Variants in PPARGC1A observed in about 807,000 individuals in gnomAD.
PPARGC1A encodes the protein PPARG coactivator 1 alpha.
PPARGC1A carries 25 observed loss-of-function variants against 88.7 expected under a neutral mutation model. The ratio of observed to expected loss-of-function variants is 0.28; its 90% confidence interval spans 0.21 to 0.39. The LOEUF (loss-of-function observed/expected upper bound fraction) is 0.39. Ranked by LOEUF, PPARGC1A falls within the 10% of genes least tolerant of loss-of-function variation. PPARGC1A has a pLI of 1.00. For missense variants in PPARGC1A, 880 were observed against 968.7 expected, an observed-to-expected ratio of 0.91 and a Z score of 1.22; for synonymous variants, 363 against 355.6, an observed-to-expected ratio of 1.02 and a Z score of -0.24.
intron 2 of PPARGC1A, among the ~76,000 whole-genome samples, chr4:23,849,916 G>A (rs546003811): frequency 2.0e-5 from 3 of 151,072 alleles, no homozygotes; most frequent in African/African-American, 2.4e-5. Flanking sequence ...CTCGCTGCAC[G>A]GTACAGTCAT....
At chr4:24,249,725 G>A in the PPARGC1A span, among the ~76,000 whole-genome samples, 1 of 152,264 alleles carries the variant, frequency 6.6e-6, no homozygotes, top group South Asian at 2.1e-4. Flanking sequence ...GAGTCTGAAC[G>A]TGGGGATATC....
At chr4:23,964,239 C>T in the PPARGC1A span, among the ~76,000 whole-genome samples, 836 of 152,232 alleles carry the variant, frequency 5.5e-3, 40 homozygotes, top group East Asian at 0.089. Context: ...AATTAAGGCA[C>T]AGAGAGAATT....
chr4:23,905,222 C>T (rs1719896373), upstream of PPARGC1A, among the ~76,000 whole-genome samples: 1 of 152,344 alleles, frequency 6.6e-6, no homozygotes, highest in East Asian at 1.9e-4. Flanking sequence ...TATGATCACA[C>T]TTTCAACTCT....
chr4:24,375,889 G>A, the PPARGC1A span, among the ~76,000 whole-genome samples: 3 of 152,086 alleles, frequency 2.0e-5, no homozygotes, highest in Non-Finnish European at 4.4e-5. Context: ...GGACAAACAG[G>A]GGGTCCAAGG....
chr4:24,422,062 A>ATT, the PPARGC1A span, among the ~76,000 whole-genome samples: 1 of 152,336 alleles, frequency 6.6e-6, no homozygotes, highest in Non-Finnish European at 1.5e-5. Context: ...CAATTACCTA[A>ATT]AGCAGGGGTC....
the PPARGC1A span, among the ~76,000 whole-genome samples, chr4:23,983,040 T>C: frequency 6.6e-6 from 1 of 152,070 alleles, no homozygotes; most frequent in African/African-American, 2.4e-5. Flanking sequence ...ACAGAAGCAA[T>C]GTGGCCTGCA....
the PPARGC1A span, among the ~76,000 whole-genome samples, chr4:24,454,651 T>G: frequency 1.3e-5 from 2 of 151,710 alleles, no homozygotes; most frequent in Non-Finnish European, 1.5e-5. Context: ...GGTGAGAGGA[T>G]CACTTGAACC....
At chr4:24,319,044 A>C in the PPARGC1A span, among the ~76,000 whole-genome samples, 20 of 152,286 alleles carry the variant, frequency 1.3e-4, no homozygotes, top group Middle Eastern at 6.8e-3. Context: ...AAACAAGAAG[A>C]GATAAAAAAT....
At chr4:24,102,601 T>C in the PPARGC1A span, among the ~76,000 whole-genome samples, 1 of 152,246 alleles carries the variant, frequency 6.6e-6, no homozygotes, top group Non-Finnish European at 1.5e-5. Flanking sequence ...CATCTTCTTT[T>C]AGAAGGCTTA....
the PPARGC1A span, among the ~76,000 whole-genome samples, chr4:23,953,473 G>A: frequency 8.5e-5 from 13 of 152,086 alleles, no homozygotes; most frequent in African/African-American, 2.4e-4. Flanking sequence ...AACCATACAG[G>A]ATGCAGTCTG....
the PPARGC1A span, among the ~76,000 whole-genome samples, chr4:24,262,313 C>T: frequency 2.0e-5 from 3 of 152,140 alleles, no homozygotes; most frequent in South Asian, 2.1e-4. Flanking sequence ...CTGGAGGTTC[C>T]GCAGAAGTGA....
chr4:24,335,179 A>G, the PPARGC1A span, among the ~76,000 whole-genome samples: 10 of 152,222 alleles, frequency 6.6e-5, no homozygotes, highest in Non-Finnish European at 1.2e-4. Flanking sequence ...CAGTCAATAC[A>G]TGGAACAGAG....
chr4:24,072,652 C>G, the PPARGC1A span, among the ~76,000 whole-genome samples: 1 of 152,070 alleles, frequency 6.6e-6, no homozygotes, highest in African/African-American at 2.4e-5. Context: ...CTCAAAAAAT[C>G]ATTTAAAACA....
the PPARGC1A span, among the ~76,000 whole-genome samples, chr4:24,405,278 A>G: frequency 6.6e-6 from 1 of 152,132 alleles, no homozygotes; most frequent in Admixed American, 6.5e-5. Flanking sequence ...TTGTATGAAA[A>G]GGTGGTTTTT....
chr4:24,104,252 T>C, the PPARGC1A span, among the ~76,000 whole-genome samples: 1 of 152,198 alleles, frequency 6.6e-6, no homozygotes, highest in Non-Finnish European at 1.5e-5. Flanking sequence ...TATAGGGGTT[T>C]ATCACATACT....
At chr4:24,373,799 A>C in the PPARGC1A span, among the ~76,000 whole-genome samples, 1 of 152,230 alleles carries the variant, frequency 6.6e-6, no homozygotes, top group Non-Finnish European at 1.5e-5. Flanking sequence ...GCAAATAGCA[A>C]GTAATCTGCT....
chr4:24,304,572 T>TA, the PPARGC1A span, among the ~76,000 whole-genome samples: 1 of 152,204 alleles, frequency 6.6e-6, no homozygotes, highest in Non-Finnish European at 1.5e-5. Context: ...CCAGGTGGTC[T>TA]GGCTCCAGAG....
At chr4:24,454,286 TG>T in the PPARGC1A span, among the ~76,000 whole-genome samples, 1 of 151,196 alleles carries the variant, frequency 6.6e-6, no homozygotes, top group Non-Finnish European at 1.5e-5. Flanking sequence ...ACATGGTTGC[TG>T]GTTTTTTTTT....
At chr4:24,267,696 A>G in the PPARGC1A span, among the ~76,000 whole-genome samples, 1 of 152,326 alleles carries the variant, frequency 6.6e-6, no homozygotes, top group Non-Finnish European at 1.5e-5. Context: ...CTTTACTTTT[A>G]AAGTTTTAGA....
Sources: gnomAD v4.1 joint callset for allele counts (sites outside exome capture counted in the v4.1 genomes callset) on GRCh38, gnomAD v4.1.1 for gene constraint, MANE v1.5 for transcripts, NCBI Gene and HGNC (gene_info 2026-07-23, HGNC 2026-07-21) for gene names.